MAP1LC3B: variants seen among roughly 807,000 people sequenced by gnomAD.
The protein encoded by MAP1LC3B is microtubule associated protein 1 light chain 3 beta, also known as microtubule-associated protein 1 light chain 3 beta.
In MAP1LC3B, 12 loss-of-function variants were observed where a neutral mutation model predicts 16.7. That is an observed-to-expected ratio of 0.72 (90% CI 0.46 to 1.16). MAP1LC3B has a LOEUF of 1.16. MAP1LC3B is among the 50% of genes most tolerant of loss of function. The pLI is 0.00. For synonymous variants in MAP1LC3B, 63 were observed against 56.5 expected, an observed-to-expected ratio of 1.11 and a Z score of -0.51; for missense variants, 155 against 159.5, an observed-to-expected ratio of 0.97 and a Z score of 0.15.
At chr16:87,397,161 A>G (rs1455262221) in intron 1 of MAP1LC3B, among the ~76,000 whole-genome samples, 1 of 152,204 alleles carries the variant, frequency 6.6e-6, no homozygotes, top group Non-Finnish European at 1.5e-5. Context: ...TTCAATAGGA[A>G]TATGCACTGG....
chr16:87,400,618 T>A (rs1907958306), intron 2 of MAP1LC3B, among the ~76,000 whole-genome samples: 1 of 152,184 alleles, frequency 6.6e-6, no homozygotes, highest in Non-Finnish European at 1.5e-5. Context: ...TTTTTTCATG[T>A]CAACTAGACA....
intron 1 of MAP1LC3B, among the ~76,000 whole-genome samples, chr16:87,396,017 C>T (rs1484613741): frequency 1.6e-4 from 24 of 151,436 alleles, no homozygotes; most frequent in African/African-American, 4.8e-4. Flanking sequence ...CCCGCCATCA[C>T]GCCCAGCTAA....
chr16:87,399,061 A>G (rs1053358238), intron 2 of MAP1LC3B, 191 bp downstream of exon 2: 31 of 582,688 alleles, frequency 5.3e-5, no homozygotes, highest in African/African-American at 4.1e-4. Context: ...GCTGGAGTGC[A>G]GTGGTGCGAT....
chr16:87,402,880 T>C, intron 3 of MAP1LC3B, 43 bp from the exon 4 acceptor site: 1 of 1,609,704 alleles, frequency 6.2e-7, no homozygotes, highest in Non-Finnish European at 8.5e-7. Context: ...TCATCCTTCT[T>C]GTATTGTTGT....
rs772570223 is a variant in MAP1LC3B, at chr16:87,402,455, TTC to T, written c.203+176_203+177del. 613 of 685,002 alleles carry T rather than the reference TTC, an allele frequency of 8.9e-4. 1 individual carries two copies. The highest frequency in any genetic ancestry group is 1.2e-3 in the Admixed American group (37 of 31,026). The allele number at this position is 685,002 out of a possible 1,614,324, so 42.4% of individuals were successfully genotyped here. A position where few individuals can be genotyped will look rare whatever the true frequency, so the allele number is the denominator to read the frequency against. Reference sequence around the variant, plus strand: ...AATTTCAACTTAAACTATAAAATGTTTCTTTTTTTGAGGTTTTATATTACTTG... The same window carrying T: ...AATTTCAACTTAAACTATAAAATGTTTTTTTTTGAGGTTTTATATTACTTG... On this transcript the variant is annotated intron_variant, in intron 3 of 3. Coordinates refer to ENST00000268607, the MANE Select transcript of MAP1LC3B (RefSeq NM_022818.5).
rs539017039 is a variant in MAP1LC3B at position 87,403,540 on chromosome 16, C to G, written c.*443C>G. The G allele has an allele frequency of 1.2e-5, 2 of 160,472 alleles. No homozygotes were observed. The highest frequency in any genetic ancestry group is 1.2e-4 in the Admixed American group (2 of 16,822). The allele number at this position is 160,472 out of a possible 1,614,324, so 9.9% of individuals were successfully genotyped here. ...AAGTTTTCTACTCAGCTAGAGAGAT[C>G]TCCCTAAGAGGATCTTTAGGCCTGA... is the stretch of plus-strand genomic sequence containing the variant. On this transcript the variant is annotated 3_prime_UTR_variant, in exon 4 of 4. Transcript: ENST00000268607.
chr16:87,394,442 CTCTTTCCAAGTGAGTGAGT>C (rs1168953931), intron 1 of MAP1LC3B, among the ~76,000 whole-genome samples: 1 of 152,206 alleles, frequency 6.6e-6, no homozygotes, highest in Non-Finnish European at 1.5e-5. Flanking sequence ...GTGGTGTTTT[CTCTTTCCAAGTGAGTGAGT>C]TTAAGGTTAA....
At chr16:87,402,698 A>AG in intron 3 of MAP1LC3B, 1 of 608,022 alleles carries the variant, frequency 1.6e-6, no homozygotes, top group Non-Finnish European at 2.8e-6. Flanking sequence ...ACAGCTGTTC[A>AG]GACAGTATAC....
rs1473297642 is a variant in MAP1LC3B, at chr16:87,404,411, A to T, written c.*1314A>T. ...CTGTATACGTTAGTGAAAGCTGTTT[A>T]CTGTAACGGGGAAAACCAGATTCTT... On this transcript the variant is annotated 3_prime_UTR_variant, in exon 4 of 4. Transcript: ENST00000268607. The T allele has an allele frequency of 6.6e-6, 1 of 152,202 alleles. No individual in the cohort carries two copies. The highest frequency in any genetic ancestry group is 1.5e-5 in the Non-Finnish European group (1 of 68,038). The allele number at this position is 152,202 out of a possible 1,614,324, so 9.4% of individuals were successfully genotyped here.
intron 2 of MAP1LC3B, among the ~76,000 whole-genome samples, chr16:87,401,223 TG>T (rs1166083629): frequency 6.6e-6 from 1 of 151,828 alleles, no homozygotes; most frequent in Non-Finnish European, 1.5e-5. Context: ...TGCTTGAAGC[TG>T]GTTCCCAGCC....
At chr16:87,401,795 G>T (rs933877212) in intron 2 of MAP1LC3B, among the ~76,000 whole-genome samples, 1 of 151,730 alleles carries the variant, frequency 6.6e-6, no homozygotes, top group South Asian at 2.1e-4. Flanking sequence ...CTCCCAAAGT[G>T]CTGGGATTAC....
chr16:87,395,129 T>C (rs1907754395), intron 1 of MAP1LC3B, among the ~76,000 whole-genome samples: 1 of 152,210 alleles, frequency 6.6e-6, no homozygotes, highest in Non-Finnish European at 1.5e-5. Flanking sequence ...TTAAAATGAC[T>C]GAAGATATCT....
At chr16:87,402,874 C>A in intron 3 of MAP1LC3B, 49 bp from the exon 4 acceptor site, 1 of 1,605,800 alleles carries the variant, frequency 6.2e-7, no homozygotes, top group Non-Finnish European at 8.5e-7. Flanking sequence ...CATGCTTCAT[C>A]CTTCTTGTAT....
At chr16:87,399,118 C>T (rs1026189908) in intron 2 of MAP1LC3B, 4 of 496,146 alleles carry the variant, frequency 8.1e-6, no homozygotes, top group African/African-American at 5.8e-5. Flanking sequence ...GCAGTCCTCC[C>T]TCCTCAGCCT....
rs1242259438 is a variant in MAP1LC3B at position 87,404,069 on chromosome 16, A to T, written c.*972A>T. On this transcript the variant is annotated 3_prime_UTR_variant, in exon 4 of 4. Transcript: ENST00000268607. ...AAATGTGTAACTCAGTATTACTGAA[A>T]AGGTACCCACATTTTGAATAGTAGT... The T allele has an allele frequency of 6.6e-6, 1 of 152,204 alleles. No individual in the cohort carries two copies. The highest frequency in any genetic ancestry group is 1.9e-4 in the East Asian group (1 of 5,198). The allele number at this position is 152,204 out of a possible 1,614,324, so 9.4% of individuals were successfully genotyped here.
At chr16:87,401,744 G>A (rs1431175868) in intron 2 of MAP1LC3B, among the ~76,000 whole-genome samples, 1 of 152,028 alleles carries the variant, frequency 6.6e-6, no homozygotes, top group Non-Finnish European at 1.5e-5. Context: ...TGACCAGGCT[G>A]GTCTCGAACT....
At chr16:87,399,876 T>G (rs1196243872) in intron 2 of MAP1LC3B, 1 of 236,534 alleles carries the variant, frequency 4.2e-6, no homozygotes, top group South Asian at 4.4e-5. Flanking sequence ...CAGGTTCAAG[T>G]GATTCTCCTG....
chr16:87,401,151 A>G (rs1042585521), intron 2 of MAP1LC3B, among the ~76,000 whole-genome samples: 5 of 151,752 alleles, frequency 3.3e-5, no homozygotes, highest in African/African-American at 9.7e-5. Flanking sequence ...AAAAAAAAAA[A>G]AAAAACTTCA....
At chr16:87,397,734 C>A (rs1907855297) in intron 1 of MAP1LC3B, among the ~76,000 whole-genome samples, 1 of 152,032 alleles carries the variant, frequency 6.6e-6, no homozygotes, top group Non-Finnish European at 1.5e-5. Context: ...AAGTTCGTGA[C>A]ATTGATTATT....
Sources: allele counts gnomAD v4.1 joint callset (sites outside exome capture counted in the v4.1 genomes callset), GRCh38; gene constraint gnomAD v4.1.1; transcripts MANE v1.5; gene names NCBI Gene and HGNC (gene_info 2026-07-23, HGNC 2026-07-21).